ZSCAN1: variants seen among roughly 807,000 people sequenced by gnomAD.
ZSCAN1 encodes zinc finger and SCAN domain-containing protein 1.
Under a neutral mutation model 23.8 loss-of-function variants are expected in ZSCAN1, and 23 were observed. The ratio of observed to expected loss-of-function variants is 0.97; its 90% CI spans 0.70 to 1.37. The LOEUF (loss-of-function observed/expected upper bound fraction) is 1.37, where lower values mean the gene tolerates loss of function less well. Ranked by LOEUF, ZSCAN1 falls within the 40% of genes most tolerant of loss-of-function variation. ZSCAN1 has a pLI of 0.00. For synonymous variants in ZSCAN1, 236 were observed against 232.3 expected, an observed-to-expected ratio of 1.02 and a Z score of -0.15; for missense variants, 575 against 554.0, an observed-to-expected ratio of 1.04 and a Z score of -0.38.
At position 58,038,103 on chromosome 19, in the gene ZSCAN1, G is replaced by C. The variant is rs141250184; in HGVS notation, c.267G>C (p.Ala89=). The C allele has an allele frequency of 1.9e-6, 3 of 1,610,954 alleles. No homozygotes were observed. Among genetic ancestry groups the C allele is most frequent in the Non-Finnish European group, 2.5e-6 (3 of 1,179,744 alleles). The change falls in exon 3 of 6, where the codon GCG becomes GCC. Residue 89 remains alanine, a synonymous_variant. Transcript: ENST00000282326. ...TGGTGCTGGAGCAGTTCCTGGGCGC[G>C]CTGCCCAGCAAGATGCGGACCTGGG... ...ELLVLEQFLG[A]LPSKMRTWVQ... is the part of the protein sequence containing the mutation.
At position 58,045,267 on chromosome 19, in the gene ZSCAN1, G is replaced by A. The variant is rs942215369; in HGVS notation, c.465+4723G>A. 20 of 793,052 alleles carry A rather than the reference G, an allele frequency of 2.5e-5. No homozygotes were observed. The highest frequency in any genetic ancestry group is 4.4e-5 in the Non-Finnish European group (19 of 430,530). The allele number at this position is 793,052 out of a possible 1,614,324, so 49.1% of individuals were successfully genotyped here. On this transcript the variant is annotated intron_variant, in intron 4 of 5. Transcript: ENST00000282326. This position sits in a 1 kb window ranked among gnomAD's most constrained non-coding sequence, Gnocchi z 4.3. ...GTTCGTGGAGTTTCTGCTGCCTGTT[G>A]CTGTGAAACTCTTCCCCAACATGTT...
rs905222677 is a variant in ZSCAN1, at chr19:58,053,401, G to A, written c.605-28G>A. 4 of 1,587,640 alleles carry A rather than the reference G, an allele frequency of 2.5e-6. No individual in the cohort carries two copies. In the African/African-American group the frequency reaches 5.4e-5, roughly 21 times the overall value. On this transcript the variant is annotated intron_variant, in intron 5 of 5. Transcript: ENST00000282326. The surrounding 1 kb of genome is among the most constrained non-coding windows in gnomAD (Gnocchi z 5.8). ...ATGCCAAGGCCATCCACTCACTACA[G>A]GTGACCCATCTCCCTCGCCCTCCAC... is the stretch of plus-strand genomic sequence containing the variant.
In ZSCAN1 at chr19:58,040,511, G is replaced by A; in HGVS notation, c.432G>A (p.Gly144=). The change falls in exon 4 of 6, where the codon GGG becomes GGA. Residue 144 remains glycine (G), a synonymous_variant. Transcript: ENST00000282326. The surrounding 1 kb of genome is among the most constrained non-coding windows in gnomAD (Gnocchi z 5.8). ...QDWSFGEEED[G]KSPRSQKEPS... ...GGAGTTTCGGTGAGGAGGAAGATGG[G>A]AAGAGTCCAAGGTCCCAGAAAGAAC... The A allele has an allele frequency of 6.2e-7, 1 of 1,613,598 alleles. No homozygotes were observed. The highest frequency in any genetic ancestry group is 1.3e-5 in the African/African-American group (1 of 75,032).
At chr19:58,051,996 G>A (rs575090440) in intron 4 of ZSCAN1, among the ~76,000 whole-genome samples, 10 of 152,370 alleles carry the variant, frequency 6.6e-5, no homozygotes, top group Non-Finnish European at 1.3e-4. Context: ...CAGGTGGGAT[G>A]TGAAGTCTGT....
Position 58,052,543 on chromosome 19 carries a change from A to G in ZSCAN1, c.519A>G (p.Glu173=), listed in dbSNP as rs773542613. ...CAGCAGCCCCAGCACTCCCCGAGGA[A>G]AGTGAGTGGCTGGAGACTACCCAGC... The part of the protein sequence containing the change: ...AVAAAPALPE[E]SEWLETTQLQ... Residue 173 remains glutamate (E), a synonymous_variant, in exon 5 of 6, where the codon GAA becomes GAG. Coordinates refer to ENST00000282326, the MANE Select transcript of ZSCAN1 (RefSeq NM_182572.4). 15 of 1,614,042 alleles carry G rather than the reference A, an allele frequency of 9.3e-6. 1 individual carries two copies. The African/African-American group carries it at 1.5e-4, about 16-fold the overall frequency.
rs1245035855 is a variant in ZSCAN1, at chr19:58,037,867, C to T, written c.31C>T (p.Pro11Ser). 3 of 1,524,680 alleles carry T rather than the reference C, an allele frequency of 2.0e-6. No homozygotes were observed. The highest frequency in any genetic ancestry group is 1.4e-5 in the African/African-American group (1 of 72,908). 94.4% of individuals were successfully genotyped at this position (1,524,680 alleles called of 1,614,324 possible). Residue 11 changes from proline to serine, a missense_variant, in exon 3 of 6, where the codon CCC becomes TCC. Physicochemically the swap from Pro to Ser is moderately conservative, Grantham distance 74. Transcript: ENST00000282326. MLPRPKAPASPRRPQTPTPSE... is the reference protein window; with the variant it reads MLPRPKAPASSRRPQTPTPSE... The stretch of plus-strand genomic sequence containing the variant: ...TCCACGGCCCAAAGCCCCTGCCTCC[C>T]CCAGACGCCCCCAGACCCCAACCCC...
chr19:58,055,442 C>A (rs2073884929), downstream of ZSCAN1, among the ~76,000 whole-genome samples: 1 of 152,226 alleles, frequency 6.6e-6, no homozygotes, highest in Admixed American at 6.5e-5. Context: ...TCCCTGCAGT[C>A]CCCACTGGGG....
At chr19:58,043,765 T>C (rs1264039888) in intron 4 of ZSCAN1, among the ~76,000 whole-genome samples, 2 of 152,116 alleles carry the variant, frequency 1.3e-5, no homozygotes, top group Non-Finnish European at 2.9e-5. Context: ...TCTTCCTACC[T>C]GAGTCTTCTG....
rs1234651981 is a variant in ZSCAN1 at position 58,047,434 on chromosome 19, A to G, written c.466-5056A>G. Among the ~76,000 whole-genome samples the G allele has an allele frequency of 3.3e-5, 5 of 152,126 alleles. No individual in the cohort carries two copies. The East Asian group carries it at 9.6e-4, about 29-fold the overall frequency. On this transcript the variant is annotated intron_variant, in intron 4 of 5. Coordinates refer to ENST00000282326, the MANE Select transcript of ZSCAN1 (RefSeq NM_182572.4). This position sits in a 1 kb window ranked among gnomAD's most constrained non-coding sequence, Gnocchi z 4.9. ...TCTATTTTCCCCCAATTCTTTAAGC[A>G]GTCGATTGGCACAGAGTTTTCCCAC... is the stretch of plus-strand genomic sequence containing the variant.
chr19:58,044,022 G>A (rs1187259179), intron 4 of ZSCAN1, among the ~76,000 whole-genome samples: 1 of 151,836 alleles, frequency 6.6e-6, no homozygotes, highest in Non-Finnish European at 1.5e-5. Flanking sequence ...TGTAATCCCA[G>A]CACTTTGGGA....
intron 4 of ZSCAN1, chr19:58,046,602 T>C: frequency 3.6e-6 from 3 of 839,322 alleles, no homozygotes; most frequent in Non-Finnish European, 6.4e-6. Context: ...AAAATAAGGA[T>C]GGCAAGGTCA....
intron 4 of ZSCAN1, among the ~76,000 whole-genome samples, chr19:58,048,824 A>G (rs1172667437): frequency 6.6e-6 from 1 of 151,742 alleles, no homozygotes; most frequent in African/African-American, 2.4e-5. Flanking sequence ...GCACAGTTAT[A>G]GCTCACTGCA....
At position 58,049,467 on chromosome 19, in the gene ZSCAN1, G is replaced by A. The variant is rs1416196900; in HGVS notation, c.466-3023G>A. 1 of 152,296 alleles carries A rather than the reference G, an allele frequency of 6.6e-6. No individual in the cohort carries two copies. Among genetic ancestry groups the A allele is most frequent in the Non-Finnish European group, 1.5e-5 (1 of 68,090 alleles). The allele number at this position is 152,296 out of a possible 1,614,324, so 9.4% of individuals were successfully genotyped here. On this transcript the variant is annotated intron_variant, in intron 4 of 5. Transcript: ENST00000282326. The surrounding 1 kb of genome is among the most constrained non-coding windows in gnomAD (Gnocchi z 4.5). ...TTTGCTGGTGGAGAAGTTGTAGGCG[G>A]GGGGTGCTGGTGCACATTCAGGGTC...
Position 58,045,462 on chromosome 19 carries a change from C to G in ZSCAN1, c.465+4918C>G. On this transcript the variant is annotated intron_variant, in intron 4 of 5. Coordinates refer to ENST00000282326, the MANE Select transcript of ZSCAN1 (RefSeq NM_182572.4). This position sits in a 1 kb window ranked among gnomAD's most constrained non-coding sequence, Gnocchi z 4.3. ...CTTCTCTGTGTTTTTCCAGAAGATC[C>G]GGGAGACGGGGGAGAGGCCCAGCAA... 1 of 1,223,292 alleles carries G rather than the reference C, an allele frequency of 8.2e-7. No individual in the cohort carries two copies. Among genetic ancestry groups the G allele is most frequent in the Non-Finnish European group, 1.2e-6 (1 of 822,794 alleles). The allele number at this position is 1,223,292 out of a possible 1,614,324, so 75.8% of individuals were successfully genotyped here.
At chr19:58,036,843 C>T (rs528124667) in intron 2 of ZSCAN1, among the ~76,000 whole-genome samples, 4 of 152,218 alleles carry the variant, frequency 2.6e-5, no homozygotes, top group East Asian at 1.9e-4. Flanking sequence ...TGCACCACCA[C>T]GCCGGCTAAT....
intron 4 of ZSCAN1, chr19:58,046,399 C>A: frequency 1.1e-6 from 1 of 886,442 alleles, no homozygotes. Flanking sequence ...AAAAAGGGTG[C>A]AGCAGATAAT....
chr19:58,035,643 G>C (rs2073729363), intron 1 of ZSCAN1: 7 of 152,206 alleles, frequency 4.6e-5, no homozygotes, highest in Admixed American at 4.6e-4. Context: ...CAACATAAGA[G>C]AGCATTTTTG....
In ZSCAN1 at chr19:58,053,920, G is replaced by A; in HGVS notation, c.1096G>A (p.Gly366Arg). ...GPRESVPPRD[G>R]AQGPVAPRSP... is the part of the protein sequence containing the mutation. ...CCGGGAGTCCGTCCCACCCAGGGAT[G>A]GAGCCCAGGGCCCAGTGGCCCCTCG... Residue 366 changes from glycine (G) to arginine (R), a missense_variant, in exon 6 of 6, where the codon GGA becomes AGA. Physicochemically the swap from Gly to Arg is moderately radical, Grantham distance 125. Transcript: ENST00000282326. The surrounding 1 kb of genome is among the most constrained non-coding windows in gnomAD (Gnocchi z 5.8). 6.2e-7 allele frequency: 1 copy of A among 1,612,918 alleles called. No homozygotes were observed. Among genetic ancestry groups the A allele is most frequent in the Non-Finnish European group, 8.5e-7 (1 of 1,179,250 alleles).
At chr19:58,044,442 G>GC in intron 4 of ZSCAN1, 1 of 371,638 alleles carries the variant, frequency 2.7e-6, no homozygotes. Flanking sequence ...GAAGCTGGGC[G>GC]CCTCCTGTCC....
Sources: allele counts gnomAD v4.1 joint callset (sites outside exome capture counted in the v4.1 genomes callset), GRCh38; gene constraint gnomAD v4.1.1; non-coding constraint Gnocchi (gnomAD v3.1); transcripts MANE v1.5; gene names NCBI Gene and HGNC (gene_info 2026-07-23, HGNC 2026-07-21).